Variants in AGMO observed in about 807,000 individuals in gnomAD.
The protein encoded by AGMO is alkylglycerol monooxygenase.
Under a neutral mutation model 60.2 loss-of-function variants are expected in AGMO, and 75 were observed. That is an observed-to-expected ratio of 1.25 (90% confidence interval 1.03 to 1.51). The LOEUF (loss-of-function observed/expected upper bound fraction) is 1.51. AGMO is among the 40% of genes most tolerant of loss of function. The pLI, the probability that AGMO is intolerant of heterozygous loss-of-function variation, is 0.00. For missense variants in AGMO, 763 were observed against 525.5 expected, an observed-to-expected ratio of 1.45 and a Z score of -4.42; for synonymous variants, 261 against 177.1, an observed-to-expected ratio of 1.47 and a Z score of -3.76.
chr7:15,494,017 T>A lies in AGMO; in HGVS notation c.409+50755A>T, dbSNP rs1783153883. On this transcript the variant is annotated intron_variant, in intron 3 of 12. Coordinates refer to ENST00000342526, the MANE Select transcript of AGMO (RefSeq NM_001004320.2). ...TTACAAACAATCCAGTTATACTCTA[T>A]TAGTTCTTTTTAAATTTAATGTATA... Among the ~76,000 whole-genome samples, 4 of 152,208 alleles carry A rather than the reference T, an allele frequency of 2.6e-5. No homozygotes were observed. In the South Asian group the frequency reaches 8.3e-4, roughly 31 times the overall value.
In AGMO at chr7:15,366,192, C is replaced by A. The variant is rs972767380; in HGVS notation, c.1105G>T (p.Val369Phe). 2 of 1,608,800 alleles carry A rather than the reference C, an allele frequency of 1.2e-6. No homozygotes were observed. Among genetic ancestry groups the A allele is most frequent in the East Asian group, 2.2e-5 (1 of 44,452 alleles). Reference protein sequence around the residue: ...ALSQVTLLLRVCFIILTLTSI... With the variant: ...ALSQVTLLLRFCFIILTLTSI... ...GTCAAGGTCAGGATAATGAAGCAAA[C>A]CCTCAGAAGGAGAGTAACTTGCGAC... is the stretch of plus-strand genomic sequence containing the variant. Residue 369 changes from valine to phenylalanine, a missense_variant, in exon 11 of 13, where the codon GTT (valine) becomes TTT (phenylalanine). By Grantham distance (50) the Val-to-Phe change is conservative. Coordinates refer to ENST00000342526, the MANE Select transcript of AGMO (RefSeq NM_001004320.2).
intron 5 of AGMO, chr7:15,396,306 C>T (rs974289899): frequency 1.3e-5 from 2 of 152,298 alleles, no homozygotes; most frequent in African/African-American, 2.4e-5. Flanking sequence ...TCTGCAGTTT[C>T]TTCCTCCAGG....
At chr7:15,514,655 C>T (rs554266474) in intron 3 of AGMO, among the ~76,000 whole-genome samples, 2 of 152,264 alleles carry the variant, frequency 1.3e-5, no homozygotes, top group South Asian at 2.1e-4. Flanking sequence ...AATGCATTTA[C>T]ATCTTCAATA....
chr7:15,398,455 C>A (rs1048280001), intron 5 of AGMO, among the ~76,000 whole-genome samples: 2 of 152,060 alleles, frequency 1.3e-5, no homozygotes, highest in African/African-American at 4.8e-5. Flanking sequence ...TGGGGAAGAC[C>A]ACCTCTGAGT....
chr7:15,534,315 C>T (rs1424262962), intron 3 of AGMO, among the ~76,000 whole-genome samples: 2 of 151,714 alleles, frequency 1.3e-5, no homozygotes, highest in Non-Finnish European at 2.9e-5. Context: ...CTTTTAAAAC[C>T]TTTCATGTAA....
chr7:15,474,661 C>A (rs989787544), intron 3 of AGMO, among the ~76,000 whole-genome samples: 3 of 151,978 alleles, frequency 2.0e-5, no homozygotes, highest in Admixed American at 6.6e-5. Flanking sequence ...ACTAATACAC[C>A]AAAAGCAATG....
chr7:15,393,201 G>C (rs1170419071), intron 6 of AGMO, among the ~76,000 whole-genome samples: 1 of 152,196 alleles, frequency 6.6e-6, no homozygotes, highest in Non-Finnish European at 1.5e-5. Flanking sequence ...CTCCCCTTCT[G>C]GGGAGTCCCC....
intron 10 of AGMO, among the ~76,000 whole-genome samples, chr7:15,380,698 A>G (rs1783644322): frequency 6.6e-6 from 1 of 152,188 alleles, no homozygotes. Flanking sequence ...TGCACATGGA[A>G]CCAATAAAAG....
chr7:15,213,185 C>A (rs1489679816), intron 12 of AGMO, among the ~76,000 whole-genome samples: 1 of 151,652 alleles, frequency 6.6e-6, no homozygotes, highest in Non-Finnish European at 1.5e-5. Context: ...TGGATCCTCT[C>A]ACCCATCACT....
downstream of AGMO, among the ~76,000 whole-genome samples, chr7:15,197,850 T>C (rs1462816042): frequency 6.6e-6 from 1 of 152,184 alleles, no homozygotes; most frequent in Non-Finnish European, 1.5e-5. Context: ...TATTCAGATG[T>C]CTGACATCGT....
At chr7:15,155,791 T>C in the AGMO span, among the ~76,000 whole-genome samples, 1 of 152,118 alleles carries the variant, frequency 6.6e-6, no homozygotes, top group Non-Finnish European at 1.5e-5. Flanking sequence ...GAAGTGGCTG[T>C]CTTTTGTATG....
chr7:15,182,972 G>C, the AGMO span, among the ~76,000 whole-genome samples: 1 of 151,864 alleles, frequency 6.6e-6, no homozygotes, highest in Non-Finnish European at 1.5e-5. Context: ...TATCTCATGA[G>C]AACTCTATCA....
chr7:15,556,219 G>GTTTTTTTTTTTTTTTTTT (rs71004394), intron 2 of AGMO, among the ~76,000 whole-genome samples: 1 of 91,506 alleles, frequency 1.1e-5, no homozygotes, highest in Non-Finnish European at 2.2e-5. Context: ...CTCCTTTTTA[G>GTTTTTTTTTTTTTTTTTT]TTTTTTTTTT....
chr7:15,443,086 A>G (rs1441306112), intron 3 of AGMO, among the ~76,000 whole-genome samples: 2 of 152,052 alleles, frequency 1.3e-5, no homozygotes, highest in Non-Finnish European at 2.9e-5. Context: ...ACTCAATAAA[A>G]CCTTGCACTC....
chr7:15,368,128 T>C (rs949209684), intron 10 of AGMO, among the ~76,000 whole-genome samples: 2 of 151,824 alleles, frequency 1.3e-5, no homozygotes, highest in Admixed American at 6.6e-5. Context: ...TACAAAAGGA[T>C]TAGAATGTTT....
chr7:15,317,880 TACACACGTATATATATACAC>T (rs1563083636), intron 12 of AGMO, among the ~76,000 whole-genome samples: 2 of 149,274 alleles, frequency 1.3e-5, no homozygotes, highest in South Asian at 4.2e-4. Context: ...TATATATATA[TACACACGTATATATATACAC>T]ACACACGTAT....
chr7:15,544,732 T>C (rs926815300), intron 3 of AGMO, 40 bp downstream of exon 3: 1 of 1,504,622 alleles, frequency 6.6e-7, no homozygotes, highest in Non-Finnish European at 8.9e-7. Flanking sequence ...CCAAACACAG[T>C]TCAACATAAG....
intron 3 of AGMO, among the ~76,000 whole-genome samples, chr7:15,487,170 T>G (rs1782946173): frequency 6.6e-6 from 1 of 152,220 alleles, no homozygotes; most frequent in Non-Finnish European, 1.5e-5. Context: ...AGTTATATTT[T>G]ACACTCCAAC....
chr7:15,330,029 T>C (rs866584020), intron 12 of AGMO, among the ~76,000 whole-genome samples: 5 of 150,870 alleles, frequency 3.3e-5, no homozygotes, highest in African/African-American at 1.2e-4. Flanking sequence ...GTTTAGGGCA[T>C]TGTTTTGGAT....
Sources: allele counts gnomAD v4.1 joint callset (sites outside exome capture counted in the v4.1 genomes callset), GRCh38; gene constraint gnomAD v4.1.1; transcripts MANE v1.5; gene names NCBI Gene and HGNC (gene_info 2026-07-23, HGNC 2026-07-21).